The following AGBL1 variants were observed in gnomAD, a reference collection of about 807,000 sequenced individuals.
AGBL1 encodes AGBL carboxypeptidase 1, also known as cytosolic carboxypeptidase 4.
In AGBL1, 130 loss-of-function variants were observed where a neutral mutation model predicts 118.9. That is an observed-to-expected ratio of 1.09 (90% CI 0.95 to 1.26). The LOEUF is 1.26. Among genes scored for constraint, AGBL1 ranks in the 50% most tolerant of loss-of-function variants. The probability of loss-of-function intolerance (pLI) is 0.00; values close to 1 mark genes in which losing one functional copy is unlikely to be tolerated. For missense variants in AGBL1, 1,584 were observed against 1,298.1 expected (o/e 1.22, Z -3.38); for synonymous variants, 555 against 478.9 (o/e 1.16, Z -2.08).
intron 4 of AGBL1, 90 bp downstream of exon 4, chr15:86,154,651 G>A (rs1337172327): frequency 2.2e-5 from 31 of 1,435,358 alleles, no homozygotes; most frequent in Middle Eastern, 2.6e-4. Flanking sequence ...TGGAAGAAAA[G>A]CATGGGTGAG....
intron 17 of AGBL1, among the ~76,000 whole-genome samples, chr15:86,314,394 G>A (rs1681944922): frequency 1.3e-5 from 2 of 152,112 alleles, no homozygotes; most frequent in Non-Finnish European, 2.9e-5. Context: ...ACAGGAGCTG[G>A]GAATGAATTC....
chr15:87,005,664 T>C (rs969304555), intron 24 of AGBL1, among the ~76,000 whole-genome samples: 9 of 152,200 alleles, frequency 5.9e-5, no homozygotes, highest in Non-Finnish European at 1.2e-4. Flanking sequence ...AGAAGTTTGA[T>C]CATCTGAAGC....
chr15:86,497,180 T>C (rs564432010), intron 18 of AGBL1, among the ~76,000 whole-genome samples: 1 of 152,148 alleles, frequency 6.6e-6, no homozygotes, highest in East Asian at 1.9e-4. Flanking sequence ...CTATTTTATA[T>C]TCAGTAGTTA....
Position 86,279,773 on chromosome 15 carries a change from C to A in AGBL1, c.2210C>A (p.Thr737Lys). 6.2e-7 allele frequency: 1 copy of A among 1,613,742 alleles called. No homozygotes were observed. Among genetic ancestry groups the A allele is most frequent in the Non-Finnish European group, 8.5e-7 (1 of 1,179,714 alleles). Residue 737 changes from threonine to lysine, a missense_variant, in exon 16 of 23, where the codon ACA (threonine) becomes AAA (lysine). Coordinates refer to ENST00000614907, the MANE Select transcript of AGBL1 (RefSeq NM_001386094.1). Reference sequence around the variant, plus strand: ...GCCTACCACTATCCCTATACCTACACAGCCCTCATGGTAACTTCCTCTTTA... The same window carrying A: ...GCCTACCACTATCCCTATACCTACAAAGCCCTCATGGTAACTTCCTCTTTA... ...YLAYHYPYTY[T>K]ALMTHLDILE... is the part of the protein sequence containing the mutation.
intron 21 of AGBL1, among the ~76,000 whole-genome samples, chr15:86,606,504 C>G (rs1361026456): frequency 6.6e-6 from 1 of 152,154 alleles, no homozygotes; most frequent in African/African-American, 2.4e-5. Context: ...TGTTGAACAA[C>G]TCACCATTAA....
At chr15:86,496,140 G>A (rs997965029) in intron 18 of AGBL1, among the ~76,000 whole-genome samples, 4 of 152,010 alleles carry the variant, frequency 2.6e-5, no homozygotes, top group South Asian at 2.1e-4. Flanking sequence ...TCATGGGGGC[G>A]GTTTCCCCCA....
At chr15:87,002,073 T>C (rs1314212955) in intron 24 of AGBL1, among the ~76,000 whole-genome samples, 1 of 152,092 alleles carries the variant, frequency 6.6e-6, no homozygotes, top group African/African-American at 2.4e-5. Context: ...TCCTCAATGG[T>C]ATTGCCTAGG....
chr15:86,791,751 T>TATATATATATATATATATATATA (rs1596484565), intron 22 of AGBL1, among the ~76,000 whole-genome samples: 1 of 149,412 alleles, frequency 6.7e-6, no homozygotes, highest in African/African-American at 2.5e-5. Context: ...TATATATATA[T>TATATATATATATATATATATATA]TTTGAGACAG....
At chr15:86,488,401 G>T (rs796335303) in intron 18 of AGBL1, among the ~76,000 whole-genome samples, 6 of 151,952 alleles carry the variant, frequency 3.9e-5, no homozygotes, top group African/African-American at 1.4e-4. Flanking sequence ...ATTAGGAGCT[G>T]ACCCAGCTCC....
intron 17 of AGBL1, among the ~76,000 whole-genome samples, chr15:86,315,581 G>C (rs368059038): frequency 2.0e-5 from 3 of 152,034 alleles, no homozygotes; most frequent in Middle Eastern, 3.4e-3. Context: ...AGCCGAGTGA[G>C]GTGGTGCGCG....
chr15:86,997,439 A>ATG (rs1416492111), intron 24 of AGBL1, among the ~76,000 whole-genome samples: 4 of 152,166 alleles, frequency 2.6e-5, no homozygotes, highest in Non-Finnish European at 1.5e-5. Flanking sequence ...ATTTGTTTAC[A>ATG]TGTCAAAAAT....
chr15:86,554,437 G>T lies in AGBL1; in HGVS notation c.2894G>T (p.Arg965Leu). The stretch of plus-strand genomic sequence containing the variant: ...TGCAGCTTTCTCGTGGAGAAATCTC[G>T]AGCTTCCACGGCCCGGGTGGTGGTG... ...SSCSFLVEKS[R>L]ASTARVVVWR... The change falls in exon 21 of 23, where the codon CGA becomes CTA. Residue 965 changes from arginine (R) to leucine (L), a missense_variant. Physicochemically the swap from Arg to Leu is moderately radical, Grantham distance 102. Transcript: ENST00000614907. 1.9e-6 allele frequency: 3 copies of T among 1,587,542 alleles called. No homozygotes were observed. The highest frequency in any genetic ancestry group is 1.2e-5 in the South Asian group (1 of 86,622).
chr15:86,219,765 C>A (rs2078249157), intron 5 of AGBL1, among the ~76,000 whole-genome samples: 1 of 152,046 alleles, frequency 6.6e-6, no homozygotes, highest in Non-Finnish European at 1.5e-5. Flanking sequence ...ATGTATGAAT[C>A]CTCTGACCTT....
At position 86,743,208 on chromosome 15, in the gene AGBL1, C is replaced by T. The variant is rs183795634; in HGVS notation, c.3158+68772C>T. Among the ~76,000 whole-genome samples the T allele has an allele frequency of 1.2e-3, 188 of 152,092 alleles. 2 individuals carry two copies. Among genetic ancestry groups the T allele is most frequent in the South Asian group, 3.1e-3 (15 of 4,824 alleles). On this transcript the variant is annotated intron_variant, in intron 22 of 22. Coordinates refer to ENST00000614907, the MANE Select transcript of AGBL1 (RefSeq NM_001386094.1). ...GATAGTTTTATTAAGGTGTAATTTACGTATCTTAAAATTCATCTACTTAAG... is the reference window on the plus strand; with the variant it reads ...GATAGTTTTATTAAGGTGTAATTTATGTATCTTAAAATTCATCTACTTAAG...
At chr15:86,296,221 A>T (rs1358143594) in intron 17 of AGBL1, 3 of 150,496 alleles carry the variant, frequency 2.0e-5, no homozygotes, top group Non-Finnish European at 4.4e-5. Context: ...TAGGCAAAAA[A>T]AAAAAAAACA....
chr15:86,880,671 G>A (rs2079878167), intron 22 of AGBL1, among the ~76,000 whole-genome samples: 1 of 152,094 alleles, frequency 6.6e-6, no homozygotes, highest in South Asian at 2.1e-4. Flanking sequence ...ATGTGAGTGG[G>A]TGTGGATGTG....
Position 86,994,337 on chromosome 15 carries a change from T to G in AGBL1, c.3323+6249T>G, listed in dbSNP as rs1391157713. On this transcript the variant is annotated intron_variant, in intron 24 of 24. Coordinates refer to the AGBL1 transcript ENST00000441037. ...TATATATATATATCCTGGCCTGTGA[T>G]CTCTCTACGTCCCAGGATGGGGTCG... is the stretch of plus-strand genomic sequence containing the variant. Among the ~76,000 whole-genome samples, 6 of 152,194 alleles carry G rather than the reference T, an allele frequency of 3.9e-5. No homozygotes were observed. The South Asian group carries it at 1.0e-3, about 26-fold the overall frequency.
chr15:86,510,879 G>A (rs2083045518), intron 18 of AGBL1, among the ~76,000 whole-genome samples: 2 of 152,050 alleles, frequency 1.3e-5, no homozygotes, highest in South Asian at 2.1e-4. Context: ...TCAGATAAAG[G>A]TGAATTCATT....
At chr15:86,317,947 G>C (rs974573778) in intron 17 of AGBL1, among the ~76,000 whole-genome samples, 6 of 152,186 alleles carry the variant, frequency 3.9e-5, no homozygotes, top group African/African-American at 1.4e-4. Context: ...ATGCACTCCT[G>C]AGACTTCTGG....
Sources: allele counts gnomAD v4.1 joint callset (sites outside exome capture counted in the v4.1 genomes callset), GRCh38; gene constraint gnomAD v4.1.1; transcripts MANE v1.5; gene names NCBI Gene and HGNC (gene_info 2026-07-23, HGNC 2026-07-21).